GNAQ: variants seen among roughly 807,000 people sequenced by gnomAD.
GNAQ encodes G protein subunit alpha q.
A neutral mutation model predicts 43.9 loss-of-function variants in GNAQ; 8 were observed. The observed-to-expected ratio is 0.18, with a 90% CI of 0.11 to 0.33. The LOEUF (loss-of-function observed/expected upper bound fraction) is 0.33. Among genes scored for constraint, GNAQ ranks in the 10% least tolerant of loss-of-function variants. The probability of loss-of-function intolerance (pLI) is 1.00; values close to 1 mark genes in which losing one functional copy is unlikely to be tolerated. For synonymous variants in GNAQ, 155 were observed against 170.7 expected (o/e 0.91, Z 0.71); for missense variants, 158 against 450.8 (o/e 0.35, Z 5.88).
At chr9:77,984,048 G>GAA (rs1564170418) in intron 1 of GNAQ, among the ~76,000 whole-genome samples, 7 of 24,718 alleles carry the variant, frequency 2.8e-4, no homozygotes, top group South Asian at 2.4e-3. Context: ...ATTTTGGAGA[G>GAA]CAAAAAAAAA....
At chr9:77,819,010 A>C (rs1246049049) in intron 2 of GNAQ, among the ~76,000 whole-genome samples, 2 of 147,578 alleles carry the variant, frequency 1.4e-5, no homozygotes, top group Non-Finnish European at 3.0e-5. Context: ...TCCAAAAAAA[A>C]AAAAAAAAAA....
chr9:77,843,764 C>T (rs1231438354), intron 2 of GNAQ, among the ~76,000 whole-genome samples: 1 of 152,108 alleles, frequency 6.6e-6, no homozygotes, highest in African/African-American at 2.4e-5. Context: ...TTCTTTGTAA[C>T]ACAATTTAAA....
At chr9:77,923,415 A>C (rs1051854150) in intron 1 of GNAQ, among the ~76,000 whole-genome samples, 1 of 152,168 alleles carries the variant, frequency 6.6e-6, no homozygotes, top group African/African-American at 2.4e-5. Flanking sequence ...ATAAGCCTGA[A>C]GGTAACCCCT....
chr9:77,874,398 A>C (rs138829367), intron 2 of GNAQ, among the ~76,000 whole-genome samples: 160 of 152,156 alleles, frequency 1.1e-3, no homozygotes, highest in Non-Finnish European at 2.0e-3. Context: ...CCACCTCCTC[A>C]TATCTCCCAT....
chr9:77,915,282 C>T (rs1828880146), intron 2 of GNAQ, among the ~76,000 whole-genome samples: 1 of 151,326 alleles, frequency 6.6e-6, no homozygotes, highest in East Asian at 1.9e-4. Context: ...TGAGGTTTTC[C>T]TTAAATACCT....
At chr9:77,874,110 A>C (rs898775987) in intron 2 of GNAQ, among the ~76,000 whole-genome samples, 1 of 121,500 alleles carries the variant, frequency 8.2e-6, no homozygotes, top group African/African-American at 4.1e-5. Flanking sequence ...ATCTCAAAAA[A>C]AAAAAACAAA....
chr9:77,989,216 TC>T (rs1449243629), intron 1 of GNAQ, among the ~76,000 whole-genome samples: 1 of 152,184 alleles, frequency 6.6e-6, no homozygotes, highest in Non-Finnish European at 1.5e-5. Flanking sequence ...CCCATTCTCA[TC>T]CGTCATTTTC....
chr9:77,790,465 G>A (rs545990202), intron 5 of GNAQ, among the ~76,000 whole-genome samples: 58 of 152,102 alleles, frequency 3.8e-4, no homozygotes, highest in Non-Finnish European at 6.8e-4. Flanking sequence ...CAGAAGAGAC[G>A]GATCCAAAGG....
chr9:78,002,936 G>A lies in GNAQ; in HGVS notation c.136+28164C>T, dbSNP rs548790525. Among the ~76,000 whole-genome samples, 4 of 152,122 alleles carry A rather than the reference G, an allele frequency of 2.6e-5. No homozygotes were observed. The East Asian group carries it at 5.8e-4, about 22-fold the overall frequency. ...CATCTAGTACAGAACGAGATACACA[G>A]GAGGTCTCAAACAAATACATAGTAG... On this transcript the variant is annotated intron_variant, in intron 1 of 6. Transcript: ENST00000286548.
intron 5 of GNAQ, among the ~76,000 whole-genome samples, chr9:77,762,751 T>G (rs1431950124): frequency 6.6e-6 from 1 of 152,158 alleles, no homozygotes; most frequent in Non-Finnish European, 1.5e-5. Flanking sequence ...TGTTCTGTAC[T>G]AAGAAAGATT....
chr9:78,006,672 T>C (rs1199304430), intron 1 of GNAQ, among the ~76,000 whole-genome samples: 2 of 152,230 alleles, frequency 1.3e-5, no homozygotes, highest in African/African-American at 2.4e-5. Context: ...GGAAATTTAC[T>C]GCAAAGTTAT....
chr9:77,997,193 T>C (rs536729498), intron 1 of GNAQ, among the ~76,000 whole-genome samples: 1 of 152,354 alleles, frequency 6.6e-6, no homozygotes, highest in East Asian at 1.9e-4. Context: ...AAAATGTCAT[T>C]TGTGAGCTGC....
chr9:77,762,162 G>T (rs1323235365), intron 5 of GNAQ, among the ~76,000 whole-genome samples: 1 of 139,528 alleles, frequency 7.2e-6, no homozygotes, highest in Non-Finnish European at 1.6e-5. Flanking sequence ...CCCCGTCCGG[G>T]AGGTGAGGGG....
chr9:77,918,922 A>G (rs1343349498), intron 2 of GNAQ, among the ~76,000 whole-genome samples: 2 of 152,098 alleles, frequency 1.3e-5, no homozygotes, highest in African/African-American at 2.4e-5. Flanking sequence ...AAGCTCACAA[A>G]TAATTTTTTT....
chr9:77,870,873 T>C (rs754822036), intron 2 of GNAQ, among the ~76,000 whole-genome samples: 9 of 151,914 alleles, frequency 5.9e-5, no homozygotes, highest in South Asian at 4.2e-4. Context: ...ACGCAAATGA[T>C]AGATACTATG....
intron 5 of GNAQ, among the ~76,000 whole-genome samples, chr9:77,778,182 T>C (rs949816187): frequency 6.6e-6 from 1 of 150,842 alleles, no homozygotes; most frequent in African/African-American, 2.4e-5. Context: ...TTCAATTATG[T>C]ATGTTTTTAT....
intron 2 of GNAQ, among the ~76,000 whole-genome samples, chr9:77,865,777 C>T (rs929695207): frequency 3.3e-5 from 5 of 152,154 alleles, no homozygotes; most frequent in Admixed American, 1.3e-4. Flanking sequence ...CTCCATCTCT[C>T]GTGTTGTATG....
At chr9:77,740,725 C>T (rs1825640291) in intron 5 of GNAQ, among the ~76,000 whole-genome samples, 1 of 151,984 alleles carries the variant, frequency 6.6e-6, no homozygotes, top group South Asian at 2.1e-4. Flanking sequence ...ATTTTTTAGA[C>T]TCTGATATGT....
At chr9:77,736,799 T>C (rs1825583127) in intron 5 of GNAQ, among the ~76,000 whole-genome samples, 2 of 152,038 alleles carry the variant, frequency 1.3e-5, no homozygotes, top group Admixed American at 1.3e-4. Context: ...TGTAACCCTT[T>C]CCGATGTGGA....
Sources: allele counts gnomAD v4.1 joint callset (sites outside exome capture counted in the v4.1 genomes callset), GRCh38; gene constraint gnomAD v4.1.1; transcripts MANE v1.5; gene names NCBI Gene and HGNC (gene_info 2026-07-23, HGNC 2026-07-21).